Variants in ADAM32 observed in about 807,000 individuals in gnomAD.
ADAM32 encodes disintegrin and metalloproteinase domain-containing protein 32.
ADAM32 carries 89 observed loss-of-function variants against 114.9 expected under a neutral mutation model. The observed-to-expected ratio is 0.77, with a 90% confidence interval of 0.65 to 0.92. ADAM32 has a LOEUF of 0.92. ADAM32 is among the 40% of genes least tolerant of loss of function. ADAM32 has a pLI of 0.00. For missense variants in ADAM32, 870 were observed against 932.8 expected (o/e 0.93, Z 0.88); for synonymous variants, 285 against 307.5 (o/e 0.93, Z 0.77).
At chr8:39,239,342 A>G (rs1564663413) in intron 16 of ADAM32, among the ~76,000 whole-genome samples, 1 of 152,210 alleles carries the variant, frequency 6.6e-6, no homozygotes, top group Non-Finnish European at 1.5e-5. Flanking sequence ...TGAGGGAAAG[A>G]TAAAGTCTTT....
chr8:39,269,918 C>T (rs988813494), intron 19 of ADAM32, among the ~76,000 whole-genome samples: 4 of 152,186 alleles, frequency 2.6e-5, no homozygotes, highest in African/African-American at 9.6e-5. Context: ...GCAATCATGG[C>T]AGAAGGCGAA....
intron 10 of ADAM32, among the ~76,000 whole-genome samples, chr8:39,170,712 A>G (rs979725713): frequency 6.6e-6 from 1 of 152,074 alleles, no homozygotes; most frequent in Admixed American, 6.6e-5. Flanking sequence ...TTTGATTGAT[A>G]TATATATCTT....
intron 6 of ADAM32, among the ~76,000 whole-genome samples, chr8:39,153,603 T>A (rs1383683202): frequency 6.6e-6 from 1 of 152,182 alleles, no homozygotes; most frequent in Non-Finnish European, 1.5e-5. Flanking sequence ...TTTGGTTTCT[T>A]GTTACAGGTC....
chr8:39,141,770 G>A (rs1370816646), intron 3 of ADAM32, among the ~76,000 whole-genome samples: 1 of 152,170 alleles, frequency 6.6e-6, no homozygotes, highest in Non-Finnish European at 1.5e-5. Context: ...TTGTTGATCT[G>A]TCTAATATTG....
At chr8:39,203,690 A>G (rs1807602224) in intron 11 of ADAM32, among the ~76,000 whole-genome samples, 1 of 152,118 alleles carries the variant, frequency 6.6e-6, no homozygotes, top group Non-Finnish European at 1.5e-5. Context: ...TTAGCTGGTT[A>G]TTTTGCTCGT....
chr8:39,281,959 C>A (rs1813447772), intron 23 of ADAM32, among the ~76,000 whole-genome samples: 1 of 152,192 alleles, frequency 6.6e-6, no homozygotes, highest in Non-Finnish European at 1.5e-5. Context: ...AATGAAGGCA[C>A]CCCATCCATT....
chr8:39,180,144 G>A (rs532957551), intron 10 of ADAM32, among the ~76,000 whole-genome samples: 1 of 152,216 alleles, frequency 6.6e-6, no homozygotes, highest in Non-Finnish European at 1.5e-5. Context: ...CTGGGGCTGC[G>A]CGCAGCGCTT....
chr8:39,168,219 G>A (rs927870401), intron 9 of ADAM32: 9 of 152,144 alleles, frequency 5.9e-5, no homozygotes, highest in African/African-American at 1.7e-4. Flanking sequence ...GGGGTCAGGG[G>A]GCTCCTTGCT....
chr8:39,222,012 G>A (rs996331805), intron 13 of ADAM32, among the ~76,000 whole-genome samples: 1 of 151,672 alleles, frequency 6.6e-6, no homozygotes, highest in Non-Finnish European at 1.5e-5. Flanking sequence ...TTATATTATT[G>A]TAAATAAAAA....
At chr8:39,163,742 A>T (rs1013928062) in intron 7 of ADAM32, among the ~76,000 whole-genome samples, 4 of 152,234 alleles carry the variant, frequency 2.6e-5, no homozygotes, top group Non-Finnish European at 5.9e-5. Flanking sequence ...AGGATGTGTT[A>T]GATAATAATA....
intron 9 of ADAM32, chr8:39,167,330 T>C (rs1272988016): frequency 1.4e-4 from 22 of 152,214 alleles, no homozygotes. Context: ...TTTTGTTTGC[T>C]TTGCTGAAGA....
intron 19 of ADAM32, among the ~76,000 whole-genome samples, chr8:39,262,496 T>C (rs1294417280): frequency 6.6e-6 from 1 of 152,214 alleles, no homozygotes; most frequent in East Asian, 1.9e-4. Context: ...CCAGCTTTAC[T>C]CTTTTTTCTC....
At chr8:39,126,676 C>T (rs1219125455) in intron 2 of ADAM32, among the ~76,000 whole-genome samples, 1 of 152,092 alleles carries the variant, frequency 6.6e-6, no homozygotes, top group African/African-American at 2.4e-5. Context: ...TTTCTCTTGC[C>T]TGATTGCCCT....
intron 19 of ADAM32, among the ~76,000 whole-genome samples, chr8:39,270,234 A>G (rs1564726693): frequency 1.3e-5 from 2 of 152,152 alleles, no homozygotes; most frequent in Non-Finnish European, 2.9e-5. Context: ...CATGGTGTTC[A>G]AGAATTTGTG....
At chr8:39,109,518 G>A (rs181282133) in intron 1 of ADAM32, among the ~76,000 whole-genome samples, 32 of 152,222 alleles carry the variant, frequency 2.1e-4, no homozygotes, top group Admixed American at 4.6e-4. Flanking sequence ...TCGCACTCCA[G>A]CCTGGGTGAC....
intron 18 of ADAM32, among the ~76,000 whole-genome samples, chr8:39,256,925 A>C (rs1483306192): frequency 1.3e-5 from 2 of 151,964 alleles, no homozygotes; most frequent in Admixed American, 1.3e-4. Flanking sequence ...GTCCCTACTT[A>C]GAGGGTTATA....
intron 15 of ADAM32, among the ~76,000 whole-genome samples, chr8:39,232,394 C>CCTT (rs905958198): frequency 6.6e-6 from 1 of 152,152 alleles, no homozygotes; most frequent in Non-Finnish European, 1.5e-5. Flanking sequence ...ACCCACTGTA[C>CCTT]CTTTCCCGCT....
chr8:39,115,127 G>A (rs1040218247), intron 1 of ADAM32, among the ~76,000 whole-genome samples: 4 of 152,204 alleles, frequency 2.6e-5, no homozygotes, highest in African/African-American at 9.6e-5. Flanking sequence ...ACTGATGGAT[G>A]TCTAGGTTGA....
chr8:39,226,832 G>T (rs548039270), intron 14 of ADAM32, among the ~76,000 whole-genome samples: 1 of 151,990 alleles, frequency 6.6e-6, no homozygotes, highest in African/African-American at 2.4e-5. Context: ...AAAATATAAC[G>T]TTCACTGGTA....
Sources: gnomAD v4.1 joint callset for allele counts (sites outside exome capture counted in the v4.1 genomes callset) on GRCh38, gnomAD v4.1.1 for gene constraint, MANE v1.5 for transcripts, NCBI Gene and HGNC (gene_info 2026-07-23, HGNC 2026-07-21) for gene names.